The following RBFOX1 variants were observed in gnomAD, a reference collection of about 807,000 sequenced individuals.
RBFOX1 encodes the protein RNA binding protein fox-1 homolog 1.
Under a neutral mutation model 57.7 loss-of-function variants are expected in RBFOX1, and 8 were observed. That is an observed-to-expected ratio of 0.14 (90% CI 0.08 to 0.25). The LOEUF (loss-of-function observed/expected upper bound fraction) is 0.25, where lower values mean the gene tolerates loss of function less well. RBFOX1 is among the 10% of genes least tolerant of loss of function. RBFOX1 has a pLI of 1.00. For synonymous variants in RBFOX1, 326 were observed against 222.4 expected (o/e 1.47, Z -4.15); for missense variants, 611 against 548.5 (o/e 1.11, Z -1.14).
At chr16:5,490,956 A>G (rs980752924) in intron 2 of RBFOX1, among the ~76,000 whole-genome samples, 1 of 152,094 alleles carries the variant, frequency 6.6e-6, no homozygotes, top group African/African-American at 2.4e-5. Flanking sequence ...TAGATAATGT[A>G]TATACATTTA....
intron 3 of RBFOX1, among the ~76,000 whole-genome samples, chr16:6,763,729 G>T (rs149992623): frequency 5.3e-5 from 8 of 152,126 alleles, no homozygotes; most frequent in Admixed American, 5.2e-4. Flanking sequence ...CTGATAGCAC[G>T]TTTATCATTC....
At chr16:7,139,597 T>A (rs1017961922) in intron 4 of RBFOX1, among the ~76,000 whole-genome samples, 8 of 152,094 alleles carry the variant, frequency 5.3e-5, no homozygotes, top group Non-Finnish European at 1.2e-4. Context: ...ACTACTTTTA[T>A]CAGCAATGGT....
Position 5,598,921 on chromosome 16 carries a change from C to G in RBFOX1, c.278C>G (p.Ser93Ter). Residue 93 changes from serine to a stop codon, truncating the protein, a stop_gained, in exon 3 of 3, where the codon TCA (serine) becomes TGA (stop). Coordinates refer to the RBFOX1 transcript ENST00000585867. LOFTEE classifies it low-confidence loss of function (END_TRUNC). ...TGCCAGGACTACAAGTCTGAAAATT[C>G]AACCCTCCTCCCCGGTGCCAAGAAC... 1.3e-6 allele frequency: 2 copies of G among 1,526,514 alleles called. No individual in the cohort carries two copies. The highest frequency in any genetic ancestry group is 8.8e-7 in the Non-Finnish European group (1 of 1,141,406). The allele number at this position is 1,526,514 out of a possible 1,614,324, so 94.6% of individuals were successfully genotyped here.
chr16:5,348,961 A>G (rs928244401), intron 1 of RBFOX1, among the ~76,000 whole-genome samples: 3 of 152,160 alleles, frequency 2.0e-5, no homozygotes, highest in African/African-American at 7.2e-5. Context: ...ATCATATGGT[A>G]CTTCTGTTTT....
At chr16:6,713,320 A>T (rs2064093558) in intron 3 of RBFOX1, among the ~76,000 whole-genome samples, 2 of 152,002 alleles carry the variant, frequency 1.3e-5, no homozygotes, top group African/African-American at 4.8e-5. Context: ...GATAGTCTCA[A>T]AGTCTCACGG....
At chr16:6,689,238 G>A (rs1259245119) in intron 3 of RBFOX1, among the ~76,000 whole-genome samples, 1 of 152,164 alleles carries the variant, frequency 6.6e-6, no homozygotes, top group Non-Finnish European at 1.5e-5. Context: ...TTTGTAGGAA[G>A]TGGTTGCAGG....
At chr16:7,676,240 A>G (rs914463228) in intron 13 of RBFOX1, among the ~76,000 whole-genome samples, 2 of 152,212 alleles carry the variant, frequency 1.3e-5, no homozygotes, top group Non-Finnish European at 2.9e-5. Flanking sequence ...AGCTACAGAC[A>G]TTCTTCAATA....
intron 4 of RBFOX1, among the ~76,000 whole-genome samples, chr16:5,968,976 T>C (rs752948297): frequency 3.3e-5 from 5 of 152,114 alleles, no homozygotes; most frequent in Non-Finnish European, 7.3e-5. Flanking sequence ...CTTTTCTCTT[T>C]TAGTTTTCAT....
intron 4 of RBFOX1, among the ~76,000 whole-genome samples, chr16:7,448,059 C>G (rs41361549): frequency 0.031 from 4,704 of 152,284 alleles, 251 homozygotes; most frequent in African/African-American, 0.11. Context: ...AAACAACTGA[C>G]TAATCTAAGG....
intron 3 of RBFOX1, among the ~76,000 whole-genome samples, chr16:6,806,650 A>G (rs945138958): frequency 9.2e-5 from 14 of 151,516 alleles, no homozygotes; most frequent in Non-Finnish European, 2.1e-4. Flanking sequence ...GCGGTAACAG[A>G]TTTGTATTAT....
intron 4 of RBFOX1, among the ~76,000 whole-genome samples, chr16:5,870,928 G>A (rs1283950486): frequency 6.6e-6 from 1 of 151,986 alleles, no homozygotes; most frequent in Non-Finnish European, 1.5e-5. Context: ...CCCCACCTGT[G>A]GAGGAGATAT....
At chr16:6,085,322 A>C (rs1042493430) in intron 1 of RBFOX1, among the ~76,000 whole-genome samples, 1 of 152,168 alleles carries the variant, frequency 6.6e-6, no homozygotes, top group African/African-American at 2.4e-5. Context: ...GCCCAGGCTG[A>C]AGTGCAGTGG....
chr16:5,907,458 C>T (rs2058488491), intron 4 of RBFOX1, among the ~76,000 whole-genome samples: 1 of 152,084 alleles, frequency 6.6e-6, no homozygotes, highest in Non-Finnish European at 1.5e-5. Context: ...ATATCATCAT[C>T]TGTGTGACAT....
At chr16:7,435,872 G>C (rs1421458213) in intron 4 of RBFOX1, among the ~76,000 whole-genome samples, 1 of 152,196 alleles carries the variant, frequency 6.6e-6, no homozygotes, top group Admixed American at 6.5e-5. Context: ...TGGCCTGCTG[G>C]GGTATGTGTG....
intron 1 of RBFOX1, among the ~76,000 whole-genome samples, chr16:6,164,478 T>G (rs2096901640): frequency 1.3e-5 from 2 of 151,332 alleles, no homozygotes; most frequent in Non-Finnish European, 2.9e-5. Flanking sequence ...GATTTTTTTT[T>G]TTTTTTGAGA....
chr16:5,799,168 A>C (rs906849270), intron 3 of RBFOX1, among the ~76,000 whole-genome samples: 3 of 152,074 alleles, frequency 2.0e-5, no homozygotes, highest in Admixed American at 6.6e-5. Context: ...AATGAAATCC[A>C]AGCAGAAAGG....
intron 4 of RBFOX1, among the ~76,000 whole-genome samples, chr16:7,061,212 G>A (rs531653105): frequency 1.3e-5 from 2 of 152,230 alleles, no homozygotes; most frequent in East Asian, 1.9e-4. Flanking sequence ...ATCCCCAGGG[G>A]CAGCTTCTCT....
At chr16:6,974,737 T>C (rs768772758) in intron 3 of RBFOX1, among the ~76,000 whole-genome samples, 1 of 152,104 alleles carries the variant, frequency 6.6e-6, no homozygotes, top group African/African-American at 2.4e-5. Flanking sequence ...TCTTATCTCT[T>C]AACTGAAACT....
intron 4 of RBFOX1, among the ~76,000 whole-genome samples, chr16:7,327,701 A>C (rs1315646557): frequency 1.3e-5 from 2 of 152,214 alleles, no homozygotes; most frequent in African/African-American, 4.8e-5. Context: ...TTTTTCGCAG[A>C]TATGATTATT....
Sources: allele counts gnomAD v4.1 joint callset (sites outside exome capture counted in the v4.1 genomes callset), GRCh38; gene constraint gnomAD v4.1.1; transcripts MANE v1.5; gene names NCBI Gene and HGNC (gene_info 2026-07-23, HGNC 2026-07-21).